MAGI2: variants seen among roughly 807,000 people sequenced by gnomAD.
The protein encoded by MAGI2 is membrane-associated guanylate kinase, WW and PDZ domain-containing protein 2.
A neutral mutation model predicts 133.3 loss-of-function variants in MAGI2; 35 were observed. That is an observed-to-expected ratio of 0.26 (90% confidence interval 0.20 to 0.35). The LOEUF (loss-of-function observed/expected upper bound fraction) is 0.35. Ranked by LOEUF, MAGI2 falls within the 10% of genes least tolerant of loss-of-function variation. The pLI is 1.00. For synonymous variants in MAGI2, 729 were observed against 710.6 expected (o/e 1.03, Z -0.41); for missense variants, 1,636 against 1,863.4 (o/e 0.88, Z 2.25).
At chr7:78,508,552 T>G (rs915896670) in intron 4 of MAGI2, among the ~76,000 whole-genome samples, 1 of 152,218 alleles carries the variant, frequency 6.6e-6, no homozygotes, top group African/African-American at 2.4e-5. Context: ...AACTTCGTAA[T>G]AATGGGAGGG....
intron 1 of MAGI2, among the ~76,000 whole-genome samples, chr7:79,044,053 G>A (rs1043525498): frequency 1.3e-5 from 2 of 152,190 alleles, no homozygotes; most frequent in Admixed American, 1.3e-4. Flanking sequence ...TTGAGGAGGT[G>A]GGACTGCTCC....
intron 2 of MAGI2, among the ~76,000 whole-genome samples, chr7:78,685,067 T>TG (rs1183045949): frequency 2.0e-5 from 3 of 152,242 alleles, no homozygotes; most frequent in Non-Finnish European, 4.4e-5. Context: ...ATTTGTGGGC[T>TG]GGATGTCCCA....
chr7:78,693,718 C>T (rs1817208845), intron 2 of MAGI2, among the ~76,000 whole-genome samples: 1 of 152,108 alleles, frequency 6.6e-6, no homozygotes, highest in African/African-American at 2.4e-5. Flanking sequence ...TCACTTAATC[C>T]CCAGATGAGC....
At chr7:78,736,065 G>A (rs1056700674) in intron 2 of MAGI2, among the ~76,000 whole-genome samples, 3 of 152,012 alleles carry the variant, frequency 2.0e-5, no homozygotes, top group Non-Finnish European at 4.4e-5. Flanking sequence ...AATATTATAC[G>A]AATTCATGAA....
intron 1 of MAGI2, among the ~76,000 whole-genome samples, chr7:79,015,787 G>A (rs1808641247): frequency 6.6e-6 from 1 of 152,008 alleles, no homozygotes; most frequent in Admixed American, 6.5e-5. Flanking sequence ...CACAATTTAT[G>A]GTATGTTGGA....
chr7:78,871,134 C>A (rs1025057554), intron 2 of MAGI2, among the ~76,000 whole-genome samples: 2 of 151,998 alleles, frequency 1.3e-5, no homozygotes, highest in Non-Finnish European at 2.9e-5. Flanking sequence ...CACGGTGAAA[C>A]CCCATCGCTA....
intron 2 of MAGI2, among the ~76,000 whole-genome samples, chr7:78,649,616 G>C (rs994823576): frequency 6.6e-6 from 1 of 152,114 alleles, no homozygotes; most frequent in Non-Finnish European, 1.5e-5. Flanking sequence ...CTGGCTATAA[G>C]AGTAATTGAC....
chr7:78,376,279 C>A (rs1456327844), intron 6 of MAGI2, among the ~76,000 whole-genome samples: 1 of 152,080 alleles, frequency 6.6e-6, no homozygotes, highest in Admixed American at 6.6e-5. Flanking sequence ...AAATGTTGCT[C>A]CTTTATGTTC....
At chr7:78,195,288 A>G (rs938509849) in intron 11 of MAGI2, among the ~76,000 whole-genome samples, 2 of 152,226 alleles carry the variant, frequency 1.3e-5, no homozygotes, top group South Asian at 2.1e-4. Flanking sequence ...AAACTTATCT[A>G]TAACTTACAT....
chr7:79,183,644 A>T (rs1826813234), intron 1 of MAGI2, among the ~76,000 whole-genome samples: 1 of 151,892 alleles, frequency 6.6e-6, no homozygotes, highest in Non-Finnish European at 1.5e-5. Flanking sequence ...AATTATGCAA[A>T]AGTATTGAAA....
In MAGI2 at chr7:78,018,242, A is replaced by C. The variant is rs1052290181; in HGVS notation, c.*1073T>G. On this transcript the variant is annotated 3_prime_UTR_variant, in exon 22 of 22. Coordinates refer to ENST00000354212, the MANE Select transcript of MAGI2 (RefSeq NM_012301.4). Reference sequence around the variant, plus strand: ...CTAAAAAGACTCACGTTCTTTAATGAAAATAAATTGATTGTAATTTTTTAA... The same window carrying C: ...CTAAAAAGACTCACGTTCTTTAATGCAAATAAATTGATTGTAATTTTTTAA... The C allele has an allele frequency of 6.6e-6, 1 of 152,664 alleles. No individual in the cohort carries two copies. Among genetic ancestry groups the C allele is most frequent in the Non-Finnish European group, 1.5e-5 (1 of 68,052 alleles). 9.5% of individuals were successfully genotyped at this position (152,664 alleles called of 1,614,324 possible).
At chr7:78,649,221 G>T (rs1328974630) in intron 2 of MAGI2, among the ~76,000 whole-genome samples, 1 of 3,950 alleles carries the variant, frequency 2.5e-4, no homozygotes, top group Non-Finnish European at 4.0e-4. Context: ...ATGACTTGTG[G>T]TAAAAAAAAA....
At chr7:78,506,259 A>C (rs1795073626) in intron 4 of MAGI2, among the ~76,000 whole-genome samples, 1 of 152,090 alleles carries the variant, frequency 6.6e-6, no homozygotes, top group South Asian at 2.1e-4. Flanking sequence ...CTTTTCACTG[A>C]GATTGGAAAC....
chr7:78,752,711 C>T (rs943556273), intron 2 of MAGI2, among the ~76,000 whole-genome samples: 1 of 152,178 alleles, frequency 6.6e-6, no homozygotes, highest in Non-Finnish European at 1.5e-5. Context: ...GACTGCCTGG[C>T]TAACTTCTAA....
chr7:78,280,169 T>A (rs1053633739), intron 9 of MAGI2, among the ~76,000 whole-genome samples: 20 of 152,126 alleles, frequency 1.3e-4, no homozygotes, highest in Non-Finnish European at 1.2e-4. Context: ...GGTGTCCTGA[T>A]GCTGCAGGAT....
At chr7:78,728,416 A>T (rs1821030174) in intron 2 of MAGI2, among the ~76,000 whole-genome samples, 1 of 152,120 alleles carries the variant, frequency 6.6e-6, no homozygotes, top group Admixed American at 6.6e-5. Context: ...TACTCTATGG[A>T]ACTCAAATTC....
chr7:78,141,710 C>G lies in MAGI2; in HGVS notation c.2846-6504G>C, dbSNP rs573728933. ...ATATTCAAAAAGTGCGTTTTCCCCC[C>G]TCCCAGCACCCATGAGTCATTCTCT... On this transcript the variant is annotated intron_variant, in intron 16 of 21. Coordinates refer to ENST00000354212, the MANE Select transcript of MAGI2 (RefSeq NM_012301.4). Among the ~76,000 whole-genome samples, 24 of 152,260 alleles carry G rather than the reference C, an allele frequency of 1.6e-4. No homozygotes were observed. In the South Asian group the frequency reaches 2.5e-3, roughly 16 times the overall value.
intron 5 of MAGI2, among the ~76,000 whole-genome samples, chr7:78,497,703 T>C (rs937858207): frequency 6.6e-6 from 1 of 151,346 alleles, no homozygotes; most frequent in African/African-American, 2.4e-5. Context: ...AGTTCCTTTA[T>C]GCTATTCAGA....
chr7:78,105,933 A>G (rs1283147927), intron 20 of MAGI2, among the ~76,000 whole-genome samples: 4 of 152,098 alleles, frequency 2.6e-5, no homozygotes, highest in South Asian at 4.1e-4. Context: ...CTGTTGTGCT[A>G]TCAAATACTA....
Sources: allele counts gnomAD v4.1 joint callset (sites outside exome capture counted in the v4.1 genomes callset), GRCh38; gene constraint gnomAD v4.1.1; transcripts MANE v1.5; gene names NCBI Gene and HGNC (gene_info 2026-07-23, HGNC 2026-07-21).